Variants in OR3A2 observed in about 807,000 individuals in gnomAD.
OR3A2 encodes the protein olfactory receptor family 3 subfamily A member 2, also known as olfactory receptor 3A2.
For synonymous variants in OR3A2, 126 were observed against 159.3 expected, an observed-to-expected ratio of 0.79 and a Z score of 1.57; for missense variants, 318 against 392.8, an observed-to-expected ratio of 0.81 and a Z score of 1.61.
intron 3 of OR3A2, among the ~76,000 whole-genome samples, chr17:3,289,413 T>A (rs564254128): frequency 6.6e-6 from 1 of 152,340 alleles, no homozygotes; most frequent in Admixed American, 6.5e-5. Context: ...CCATTGTCTA[T>A]GATGCTGGAC....
upstream of OR3A2, among the ~76,000 whole-genome samples, chr17:3,286,131 A>G (rs972844516): frequency 5.9e-5 from 9 of 151,760 alleles, no homozygotes; most frequent in Non-Finnish European, 1.0e-4. Context: ...TGTTCTCATT[A>G]TTCAACTCCC....
chr17:3,379,465 A>G (rs1375856665), intron 2 of OR3A2, among the ~76,000 whole-genome samples: 4 of 152,148 alleles, frequency 2.6e-5, no homozygotes, highest in Admixed American at 2.6e-4. Context: ...ACAGCTCCAC[A>G]TGGGGTGTGA....
At chr17:3,299,899 A>G (rs997434314) in intron 3 of OR3A2, among the ~76,000 whole-genome samples, 86 of 152,322 alleles carry the variant, frequency 5.6e-4, no homozygotes, top group African/African-American at 1.9e-3. Context: ...ATCAACAAAT[A>G]TTAATACTAA....
chr17:3,299,172 G>A (rs530640459), intron 3 of OR3A2, among the ~76,000 whole-genome samples: 2 of 152,324 alleles, frequency 1.3e-5, no homozygotes, highest in South Asian at 4.1e-4. Flanking sequence ...TGGTGGTGCT[G>A]AGGCTAGAGT....
intron 2 of OR3A2, among the ~76,000 whole-genome samples, chr17:3,376,965 G>A (rs921786234): frequency 2.0e-5 from 3 of 152,152 alleles, no homozygotes; most frequent in African/African-American, 7.2e-5. Flanking sequence ...TTAGCTCTAG[G>A]TAAGGTTAAA....
At chr17:3,383,531 G>A (rs763693231) in intron 2 of OR3A2, among the ~76,000 whole-genome samples, 3 of 152,152 alleles carry the variant, frequency 2.0e-5, no homozygotes, top group Non-Finnish European at 4.4e-5. Flanking sequence ...GAAAATCCAG[G>A]TGGCTCTAAA....
chr17:3,329,320 G>A (rs2049208239), intron 3 of OR3A2, among the ~76,000 whole-genome samples: 2 of 149,172 alleles, frequency 1.3e-5, no homozygotes, highest in Non-Finnish European at 3.0e-5. Context: ...GGTAGAATTT[G>A]GCTGTGAATC....
At chr17:3,284,079 G>A (rs1376935923) in intron 1 of OR3A2, among the ~76,000 whole-genome samples, 2 of 148,772 alleles carry the variant, frequency 1.3e-5, no homozygotes, top group African/African-American at 2.5e-5. Flanking sequence ...TCGCTGGAGC[G>A]AGGGTTCCCC....
At chr17:3,351,211 G>T (rs2049417337) in intron 2 of OR3A2, among the ~76,000 whole-genome samples, 2 of 136,128 alleles carry the variant, frequency 1.5e-5, no homozygotes, top group Admixed American at 8.0e-5. Flanking sequence ...GAAATAAAGG[G>T]TATTCAATTA....
At chr17:3,353,021 A>G (rs555540584) in intron 2 of OR3A2, among the ~76,000 whole-genome samples, 2 of 149,364 alleles carry the variant, frequency 1.3e-5, no homozygotes, top group African/African-American at 4.9e-5. Context: ...TACATTTTTT[A>G]TTTCCTTTTC....
chr17:3,359,242 C>G (rs144610808), intron 2 of OR3A2, among the ~76,000 whole-genome samples: 1 of 151,532 alleles, frequency 6.6e-6, no homozygotes, highest in Non-Finnish European at 1.5e-5. Flanking sequence ...CCACTCTGTG[C>G]CTTTGAAGTG....
At chr17:3,277,062 T>C (rs2048741078), downstream of OR3A2, 1 of 151,114 alleles carries the variant, frequency 6.6e-6, no homozygotes, top group Non-Finnish European at 1.5e-5. Context: ...TAGCTGGGAC[T>C]ACAGGCGCCC....
In OR3A2 at chr17:3,313,703, G is replaced by C. The variant is rs187326493; in HGVS notation, c.-85+22330C>G. Among the ~76,000 whole-genome samples, 349 of 152,320 alleles carry C rather than the reference G, an allele frequency of 2.3e-3. 2 individuals carry two copies. Among genetic ancestry groups the C allele is most frequent in the Non-Finnish European group, 4.2e-3 (285 of 68,036 alleles). On this transcript the variant is annotated intron_variant, in intron 3 of 4. Coordinates refer to the OR3A2 transcript ENST00000573491. ...AGTGTTCTTAATCTCCTCTGAAAGA[G>C]TGTAGCCTACACAGCATGACAGCAT...
At chr17:3,277,919 G>A (rs1304789228) in exon 2 of OR3A2, 4 of 1,524,490 alleles carry the variant, frequency 2.6e-6, no homozygotes, top group African/African-American at 1.4e-5. Context: ...GTCTTCATGG[G>A]AAATTTTCCT....
At chr17:3,331,315 A>G (rs1187474997) in intron 3 of OR3A2, among the ~76,000 whole-genome samples, 1 of 152,084 alleles carries the variant, frequency 6.6e-6, no homozygotes, top group Non-Finnish European at 1.5e-5. Flanking sequence ...AGTGTTTTCC[A>G]ACTTGGTTCC....
intron 2 of OR3A2, among the ~76,000 whole-genome samples, chr17:3,376,746 C>A (rs2049688237): frequency 6.6e-6 from 1 of 152,066 alleles, no homozygotes; most frequent in Non-Finnish European, 1.5e-5. Context: ...TCTTGCCTCT[C>A]CCTGCCTGCC....
At chr17:3,300,024 T>C (rs980315087) in intron 3 of OR3A2, among the ~76,000 whole-genome samples, 2 of 152,038 alleles carry the variant, frequency 1.3e-5, no homozygotes, top group African/African-American at 2.4e-5. Flanking sequence ...AATTTGAGGC[T>C]CGGGGAAGTT....
At chr17:3,278,108 A>C in exon 2 of OR3A2, 1 of 1,614,232 alleles carries the variant, frequency 6.2e-7, no homozygotes, top group Non-Finnish European at 8.5e-7. Flanking sequence ...CCTTGTCTGA[A>C]GCCTCCTCTG....
chr17:3,339,869 C>T (rs1445024276), intron 2 of OR3A2, among the ~76,000 whole-genome samples: 4 of 152,084 alleles, frequency 2.6e-5, no homozygotes, highest in Non-Finnish European at 5.9e-5. Context: ...CTTTGTACTT[C>T]GGGTAGAATT....
Sources: allele counts gnomAD v4.1 joint callset (sites outside exome capture counted in the v4.1 genomes callset), GRCh38; gene constraint gnomAD v4.1.1; transcripts MANE v1.5; gene names NCBI Gene and HGNC (gene_info 2026-07-23, HGNC 2026-07-21).